Variants in SH3PXD2B observed in about 807,000 individuals in gnomAD.
The protein encoded by SH3PXD2B is SH3 and PX domains 2B, also known as SH3 and PX domain-containing protein 2B.
SH3PXD2B carries 37 observed loss-of-function variants against 73.1 expected under a neutral mutation model. That is an observed-to-expected ratio of 0.51 (90% CI 0.39 to 0.67). SH3PXD2B has a LOEUF of 0.67. Among genes scored for constraint, SH3PXD2B ranks in the 30% least tolerant of loss-of-function variants. SH3PXD2B has a pLI of 0.00. For synonymous variants in SH3PXD2B, 457 were observed against 480.5 expected (o/e 0.95, Z 0.64); for missense variants, 1,053 against 1,197.8 (o/e 0.88, Z 1.78).
At chr5:172,423,545 T>TGGGG (rs34097249) in intron 1 of SH3PXD2B, among the ~76,000 whole-genome samples, 6 of 67,562 alleles carry the variant, frequency 8.9e-5, no homozygotes, top group African/African-American at 3.5e-4. Flanking sequence ...GATACGGGGT[T>TGGGG]GGGGGGGGGG....
intron 8 of SH3PXD2B, among the ~76,000 whole-genome samples, chr5:172,357,489 T>C (rs561845575): frequency 6.6e-6 from 1 of 151,190 alleles, no homozygotes; most frequent in Non-Finnish European, 1.5e-5. Context: ...CTCAGGAAAA[T>C]GTGGTCTCGC....
rs1309451556 is a variant in SH3PXD2B at position 172,445,293 on chromosome 5, C to T, written c.75+8985G>A. 6.6e-6 allele frequency among the ~76,000 whole-genome samples: 1 copy of T among 152,250 alleles called. No individual in the cohort carries two copies. On this transcript the variant is annotated intron_variant, in intron 1 of 12. Transcript: ENST00000311601. This position sits in a 1 kb window ranked among gnomAD's most constrained non-coding sequence, Gnocchi z 5.2. ...GCGCAAACATGGCTCACTGCAGCCT[C>T]CATCTCCTGGGCTCAAGCGATCTTC...
intron 12 of SH3PXD2B, among the ~76,000 whole-genome samples, chr5:172,344,921 GA>G (rs1222533385): frequency 6.6e-6 from 1 of 151,940 alleles, no homozygotes; most frequent in African/African-American, 2.4e-5. Context: ...AAGGAAGGAG[GA>G]GGATGGAAGA....
At chr5:172,409,259 G>A (rs935323087) in intron 2 of SH3PXD2B, among the ~76,000 whole-genome samples, 6 of 152,076 alleles carry the variant, frequency 3.9e-5, no homozygotes, top group Admixed American at 1.3e-4. Context: ...GCGGGCACCT[G>A]TAATCCCAGC....
intron 7 of SH3PXD2B, 88 bp from the exon 8 acceptor site, chr5:172,358,965 C>T: frequency 8.3e-7 from 1 of 1,211,786 alleles, no homozygotes; most frequent in East Asian, 2.5e-5. Flanking sequence ...GCCACTGTAC[C>T]AGTGAATGCA....
chr5:172,337,219 G>A lies in SH3PXD2B; in HGVS notation c.*1150C>T. The A allele has an allele frequency of 1.0e-6, 1 of 985,594 alleles. No homozygotes were observed. Among genetic ancestry groups the A allele is most frequent in the Non-Finnish European group, 1.2e-6 (1 of 830,058 alleles). 61.1% of individuals were successfully genotyped at this position (985,594 alleles called of 1,614,324 possible). A position where few individuals can be genotyped will look rare whatever the true frequency, so the allele number is the denominator to read the frequency against. Reference sequence around the variant, plus strand: ...TGTGGGCTGGAGGGATGGTGGGTGTGGGAGCAGCCACGAATGCCCCCTCAC... The same window carrying A: ...TGTGGGCTGGAGGGATGGTGGGTGTAGGAGCAGCCACGAATGCCCCCTCAC... On this transcript the variant is annotated 3_prime_UTR_variant, in exon 13 of 13. Coordinates refer to ENST00000311601, the MANE Select transcript of SH3PXD2B (RefSeq NM_001017995.3).
At chr5:172,395,570 A>G (rs1671055371) in intron 3 of SH3PXD2B, among the ~76,000 whole-genome samples, 1 of 152,224 alleles carries the variant, frequency 6.6e-6, no homozygotes, top group African/African-American at 2.4e-5. Context: ...AATATCCAAG[A>G]CATTGAAATG....
intron 1 of SH3PXD2B, among the ~76,000 whole-genome samples, chr5:172,424,608 G>C (rs1176685237): frequency 6.6e-6 from 1 of 152,186 alleles, no homozygotes; most frequent in African/African-American, 2.4e-5. Flanking sequence ...GATAAATCAG[G>C]ACAAGGTTGG....
intron 1 of SH3PXD2B, among the ~76,000 whole-genome samples, chr5:172,436,384 A>G (rs1483277302): frequency 1.3e-5 from 2 of 152,230 alleles, no homozygotes; most frequent in South Asian, 2.1e-4. Context: ...AACTGCCTCT[A>G]TACAGGGCCC....
rs189324830 is a variant in SH3PXD2B at position 172,376,058 on chromosome 5, C to T, written c.402-2243G>A. Among the ~76,000 whole-genome samples the T allele has an allele frequency of 2.2e-3, 315 of 143,560 alleles. 2 individuals carry two copies. Among genetic ancestry groups the T allele is most frequent in the African/African-American group, 7.8e-3 (297 of 38,304 alleles). 94.2% of individuals were successfully genotyped at this position (143,560 alleles called of 152,430 possible). ...TTTTTTTTTTTTTTTGAGGTGGAGT[C>T]TCACTCTGTTGCGCAGGCTGGAGTG... On this transcript the variant is annotated intron_variant, in intron 5 of 12. Coordinates refer to ENST00000311601, the MANE Select transcript of SH3PXD2B (RefSeq NM_001017995.3).
Position 172,353,938 on chromosome 5 carries a change from C to T in SH3PXD2B, c.735G>A (p.Gly245=), listed in dbSNP as rs1757215463. Residue 245 remains glycine, a synonymous_variant, in exon 9 of 13, where the codon GGG becomes GGA. Transcript: ENST00000311601. The surrounding 1 kb of genome is among the most constrained non-coding windows in gnomAD (Gnocchi z 4.3). ...RDQDEMNLER[G]AVVEVIQKNL... ...TTTTCTGGATGACCTCCACCACAGC[C>T]CCTCTCTCCAGGTTCATTTCATCCT... is the stretch of plus-strand genomic sequence containing the variant. 2 of 1,613,970 alleles carry T rather than the reference C, an allele frequency of 1.2e-6. No homozygotes were observed. The highest frequency in any genetic ancestry group is 1.7e-6 in the Non-Finnish European group (2 of 1,180,040).
intron 7 of SH3PXD2B, among the ~76,000 whole-genome samples, chr5:172,359,184 C>T (rs1396986090): frequency 6.6e-6 from 1 of 151,886 alleles, no homozygotes; most frequent in Non-Finnish European, 1.5e-5. Context: ...TTCAGGAGTT[C>T]AAGACCAGCT....
chr5:172,389,588 A>T (rs1758133476), intron 4 of SH3PXD2B, among the ~76,000 whole-genome samples: 1 of 151,204 alleles, frequency 6.6e-6, no homozygotes, highest in Non-Finnish European at 1.5e-5. Flanking sequence ...AAAAAAAAAA[A>T]ATTGGTATGT....
chr5:172,380,859 T>C (rs1237241543), intron 5 of SH3PXD2B, among the ~76,000 whole-genome samples: 1 of 152,198 alleles, frequency 6.6e-6, no homozygotes, highest in Non-Finnish European at 1.5e-5. Context: ...TGGTGCATAT[T>C]GGGATATATT....
intron 1 of SH3PXD2B, among the ~76,000 whole-genome samples, chr5:172,440,682 CG>C (rs1416806213): frequency 3.3e-5 from 5 of 152,132 alleles, no homozygotes; most frequent in Non-Finnish European, 2.9e-5. Context: ...CACCAGGTCC[CG>C]GGCCGAGGCG....
At position 172,441,590 on chromosome 5, in the gene SH3PXD2B, T is replaced by C. The variant is rs1759551250; in HGVS notation, c.75+12688A>G. ...TGAACTCAATGTGTACGTGTCATGATAGGATTGGTCCACTGGGGCCTCAAC... is the reference window on the plus strand; with the variant it reads ...TGAACTCAATGTGTACGTGTCATGACAGGATTGGTCCACTGGGGCCTCAAC... On this transcript the variant is annotated intron_variant, in intron 1 of 12. Transcript: ENST00000311601. 2.6e-5 allele frequency among the ~76,000 whole-genome samples: 4 copies of C among 152,300 alleles called. No homozygotes were observed. In the South Asian group the frequency reaches 8.3e-4, roughly 32 times the overall value.
Position 172,336,836 on chromosome 5 carries a change from C to T in SH3PXD2B, c.*1533G>A, listed in dbSNP as rs1338240957. On this transcript the variant is annotated 3_prime_UTR_variant, in exon 13 of 13. Transcript: ENST00000311601. Reference sequence around the variant, plus strand: ...CTTCTGCAGTGATTTAGTCATGCCTCTCCAGACCTCAGTTTGACAGATGAC... The same window carrying T: ...CTTCTGCAGTGATTTAGTCATGCCTTTCCAGACCTCAGTTTGACAGATGAC... 1.0e-6 allele frequency: 1 copy of T among 985,520 alleles called. No individual in the cohort carries two copies. The highest frequency in any genetic ancestry group is 1.7e-5 in the African/African-American group (1 of 57,354). The allele number at this position is 985,520 out of a possible 1,614,324, so 61.0% of individuals were successfully genotyped here.
intron 1 of SH3PXD2B, among the ~76,000 whole-genome samples, chr5:172,429,678 A>G (rs1047424899): frequency 3.3e-5 from 5 of 152,146 alleles, no homozygotes; most frequent in African/African-American, 1.2e-4. Flanking sequence ...AGGTGGGTAG[A>G]TGGCTGAACT....
chr5:172,357,999 T>G (rs1214774687), intron 8 of SH3PXD2B, among the ~76,000 whole-genome samples: 1 of 152,224 alleles, frequency 6.6e-6, no homozygotes, highest in Non-Finnish European at 1.5e-5. Flanking sequence ...GTTCTTTGCA[T>G]GTGGATCTCA....
Sources: allele counts gnomAD v4.1 joint callset (sites outside exome capture counted in the v4.1 genomes callset), GRCh38; gene constraint gnomAD v4.1.1; non-coding constraint Gnocchi (gnomAD v3.1); transcripts MANE v1.5; gene names NCBI Gene and HGNC (gene_info 2026-07-23, HGNC 2026-07-21).